EEA1: variants seen among roughly 807,000 people sequenced by gnomAD.
EEA1 encodes the protein early endosome antigen 1, 162kD.
A neutral mutation model predicts 209.2 loss-of-function variants in EEA1; 111 were observed. That is an observed-to-expected ratio of 0.53 (90% CI 0.45 to 0.62). EEA1 has a LOEUF of 0.62. Ranked by LOEUF, EEA1 falls within the 20% of genes least tolerant of loss-of-function variation. The pLI, the probability that EEA1 is intolerant of heterozygous loss-of-function variation, is 0.00. For missense variants in EEA1, 1,343 were observed against 1,530.8 expected (o/e 0.88, Z 2.05); for synonymous variants, 536 against 540.6 (o/e 0.99, Z 0.12).
At chr12:92,895,887 G>A (rs1477955672) in intron 1 of EEA1, among the ~76,000 whole-genome samples, 1 of 152,100 alleles carries the variant, frequency 6.6e-6, no homozygotes, top group African/African-American at 2.4e-5. Context: ...GACTGTGAGG[G>A]GTTCAAGACT....
rs1874773430 is a variant in EEA1 at position 92,798,939 on chromosome 12, G to GT, written c.2919dup (p.Gln974ThrfsTer3). ...AGCTCTCCTTGGAGTGCTTCAATTT[G>GT]TTTTTTCTTCTGTTCACTTGATTGC... On this transcript the variant is annotated frameshift_variant, in exon 21 of 29. Transcript: ENST00000322349. LOFTEE classifies it high-confidence loss of function. The GT allele has an allele frequency of 6.2e-7, 1 of 1,610,698 alleles. No homozygotes were observed. The highest frequency in any genetic ancestry group is 8.5e-7 in the Non-Finnish European group (1 of 1,179,092).
chr12:92,923,080 G>T (rs1273863099), intron 1 of EEA1, among the ~76,000 whole-genome samples: 1 of 152,080 alleles, frequency 6.6e-6, no homozygotes, highest in African/African-American at 2.4e-5. Flanking sequence ...GGGCGCGGTG[G>T]CTCACGCCTG....
chr12:92,879,273 T>C, intron 2 of EEA1: 1 of 417,998 alleles, frequency 2.4e-6, no homozygotes, highest in Non-Finnish European at 4.7e-6. Context: ...TCCAAAAAAA[T>C]CCAAAATCTG....
At chr12:92,879,408 T>C in intron 2 of EEA1, 1 of 433,282 alleles carries the variant, frequency 2.3e-6, no homozygotes, top group Non-Finnish European at 4.6e-6. Context: ...GTGGAGCTTA[T>C]CCTAGAAACA....
At chr12:92,813,571 TTTTA>T (rs1875627851) in intron 15 of EEA1, among the ~76,000 whole-genome samples, 1 of 152,168 alleles carries the variant, frequency 6.6e-6, no homozygotes, top group African/African-American at 2.4e-5. Flanking sequence ...ACTTAAAGGG[TTTTA>T]TTTTTGAAGC....
At chr12:92,831,186 A>G (rs1365320250) in intron 11 of EEA1, among the ~76,000 whole-genome samples, 1 of 152,154 alleles carries the variant, frequency 6.6e-6, no homozygotes, top group East Asian at 1.9e-4. Context: ...AAAATAAAGT[A>G]TCACTGCCAT....
rs756583756 is a variant in EEA1, at chr12:92,921,866, CAAAAAAAAAAA to C, written c.24+7166_24+7176del. Among the ~76,000 whole-genome samples the C allele has an allele frequency of 6.0e-5, 5 of 83,438 alleles. No homozygotes were observed. In the East Asian group the frequency reaches 2.4e-3, roughly 41 times the overall value. The allele number at this position is 83,438 out of a possible 152,430, so 54.7% of individuals were successfully genotyped here. On this transcript the variant is annotated intron_variant, in intron 1 of 28. Coordinates refer to ENST00000322349, the MANE Select transcript of EEA1 (RefSeq NM_003566.4). The stretch of plus-strand genomic sequence containing the variant: ...CTGGCGACAGAGCAAGACTCTGTCT[CAAAAAAAAAAA>C]AAAAAAAAAGAAAAAAAGAAAAGAA...
chr12:92,913,089 T>G (rs1880636716), intron 1 of EEA1, among the ~76,000 whole-genome samples: 1 of 152,228 alleles, frequency 6.6e-6, no homozygotes, highest in African/African-American at 2.4e-5. Context: ...GAACTGTAGT[T>G]CTGTTTTTAG....
At chr12:92,862,530 A>C (rs2136721119) in intron 3 of EEA1, among the ~76,000 whole-genome samples, 1 of 152,236 alleles carries the variant, frequency 6.6e-6, no homozygotes, top group East Asian at 1.9e-4. Flanking sequence ...CAGGAGTTGG[A>C]GGCTACAGTA....
intron 1 of EEA1, among the ~76,000 whole-genome samples, chr12:92,921,866 C>CAAAAAAAAA (rs756583756): frequency 4.7e-4 from 39 of 83,432 alleles, no homozygotes; most frequent in Non-Finnish European, 6.4e-4. Context: ...GACTCTGTCT[C>CAAAAAAAAA]AAAAAAAAAA....
intron 2 of EEA1, among the ~76,000 whole-genome samples, chr12:92,869,752 CAAAAAAAAAAAAAAA>C (rs71069185): frequency 4.0e-3 from 106 of 26,784 alleles, no homozygotes; most frequent in East Asian, 8.9e-3. Context: ...GATTCTGCCT[CAAAAAAAAAAAAAAA>C]AAAAAAAAAA....
chr12:92,799,706 G>C (rs1874817285), intron 20 of EEA1, among the ~76,000 whole-genome samples: 1 of 151,910 alleles, frequency 6.6e-6, no homozygotes, highest in South Asian at 2.1e-4. Context: ...AGAATGGTGT[G>C]AACCCAGGAG....
chr12:92,893,396 C>T (rs899323471), intron 1 of EEA1, among the ~76,000 whole-genome samples: 38 of 152,142 alleles, frequency 2.5e-4, no homozygotes, highest in Admixed American at 2.4e-3. Context: ...CAGTGTGGCT[C>T]TTAATCACTA....
chr12:92,805,926 A>C (rs533398500), intron 18 of EEA1, among the ~76,000 whole-genome samples: 190 of 152,334 alleles, frequency 1.2e-3, no homozygotes, highest in African/African-American at 4.4e-3. Flanking sequence ...AGTGCAAATT[A>C]GAAAAAAGAT....
rs772907850 is a variant in EEA1 at position 92,864,817 on chromosome 12, T to A, written c.245+43A>T. 15 of 1,471,420 alleles carry A rather than the reference T, an allele frequency of 1.0e-5. No homozygotes were observed. The South Asian group carries it at 2.3e-4, about 22-fold the overall frequency. The allele number at this position is 1,471,420 out of a possible 1,614,324, so 91.1% of individuals were successfully genotyped here. On this transcript the variant is annotated intron_variant, in intron 3 of 28. Transcript: ENST00000322349. ...ATCATGATTAAACGACGATACCACA[T>A]GCATATTCCATAACATTATACTTCA...
rs965425897 is a variant in EEA1, at chr12:92,772,180, A to C, written c.*3831T>G. The C allele has an allele frequency of 5.3e-5, 8 of 151,910 alleles. No homozygotes were observed. The highest frequency in any genetic ancestry group is 8.8e-5 in the Non-Finnish European group (6 of 67,858). 9.4% of individuals were successfully genotyped at this position (151,910 alleles called of 1,614,324 possible). On this transcript the variant is annotated 3_prime_UTR_variant, in exon 29 of 29. Coordinates refer to ENST00000322349, the MANE Select transcript of EEA1 (RefSeq NM_003566.4). ...GAGAAAAATAAATAAATAAATAAAT[A>C]AATAATGTTTTAAGTATCTTTAAAT...
rs1875591161 is a variant in EEA1 at position 92,812,962 on chromosome 12, T to C, written c.2043+18A>G. 3 of 1,521,906 alleles carry C rather than the reference T, an allele frequency of 2.0e-6. No individual in the cohort carries two copies. The highest frequency in any genetic ancestry group is 2.7e-6 in the Non-Finnish European group (3 of 1,112,644). 94.3% of individuals were successfully genotyped at this position (1,521,906 alleles called of 1,614,324 possible). On this transcript the variant is annotated intron_variant, in intron 16 of 28. Transcript: ENST00000322349. ...CAAAGCACTAGGTGATAGTATGAAA[T>C]TGCATCTGTTTCCCTACCTGCTGTT... is the stretch of plus-strand genomic sequence containing the variant.
At chr12:92,794,872 A>C (rs906321910) in intron 21 of EEA1, among the ~76,000 whole-genome samples, 2 of 150,842 alleles carry the variant, frequency 1.3e-5, no homozygotes, top group African/African-American at 5.0e-5. Context: ...CTAGAACTTA[A>C]ATAAAAGAAA....
chr12:92,789,849 C>T (rs748363900), intron 21 of EEA1, among the ~76,000 whole-genome samples: 8 of 152,354 alleles, frequency 5.3e-5, no homozygotes, highest in South Asian at 2.1e-4. Flanking sequence ...AGTAGCCTAA[C>T]TGGGAGACAC....
Sources: allele counts gnomAD v4.1 joint callset (sites outside exome capture counted in the v4.1 genomes callset), GRCh38; gene constraint gnomAD v4.1.1; transcripts MANE v1.5; gene names NCBI Gene and HGNC (gene_info 2026-07-23, HGNC 2026-07-21).